Variants in LIPA observed in about 807,000 individuals in gnomAD.
LIPA encodes the protein lipase A, lysosomal acid type, also known as lysosomal acid lipase/cholesteryl ester hydrolase.
In LIPA, 26 loss-of-function variants were observed where a neutral mutation model predicts 40.6. The ratio of observed to expected loss-of-function variants is 0.64; its 90% CI spans 0.47 to 0.89. The LOEUF is 0.89. Ranked by LOEUF, LIPA falls within the 40% of genes least tolerant of loss-of-function variation. The pLI is 0.00. For missense variants in LIPA, 455 were observed against 479.6 expected (o/e 0.95, Z 0.48); for synonymous variants, 188 against 168.4 (o/e 1.12, Z -0.90).
chr10:89,366,252 T>C (rs1323798280), intron 2 of LIPA, among the ~76,000 whole-genome samples: 1 of 152,212 alleles, frequency 6.6e-6, no homozygotes, highest in Non-Finnish European at 1.5e-5. Context: ...GCTCTCTGTC[T>C]GTTATTGGTG....
intron 1 of LIPA, among the ~76,000 whole-genome samples, chr10:89,321,219 G>T (rs539430845): frequency 2.0e-5 from 3 of 151,998 alleles, no homozygotes. Context: ...TTGACAAATG[G>T]GATCTAATTA....
chr10:89,269,927 T>C (rs1843256457), intron 1 of LIPA, among the ~76,000 whole-genome samples: 1 of 152,176 alleles, frequency 6.6e-6, no homozygotes, highest in Non-Finnish European at 1.5e-5. Context: ...GGCCTAGACT[T>C]TGGAGACACA....
chr10:89,354,629 G>A (rs1843979791), intron 2 of LIPA, among the ~76,000 whole-genome samples: 1 of 152,128 alleles, frequency 6.6e-6, no homozygotes, highest in South Asian at 2.1e-4. Flanking sequence ...GTGCAGTGGT[G>A]CAATCTCGGC....
At chr10:89,259,912 C>G (rs982867238) in intron 1 of LIPA, among the ~76,000 whole-genome samples, 1 of 152,080 alleles carries the variant, frequency 6.6e-6, no homozygotes, top group African/African-American at 2.4e-5. Flanking sequence ...GGCTGGATGA[C>G]AGAGAGGCAT....
In LIPA at chr10:89,296,790, A is replaced by G. The variant is rs74146909; in HGVS notation, c.-2+45821T>C. ...ATTTTCTGACCTCAATCTTTGAGGT[A>G]CTATTATTTTCTTTTGGGCCTATAT... On this transcript the variant is annotated intron_variant, in intron 1 of 5. Transcript: ENST00000282673. Among the ~76,000 whole-genome samples the G allele has an allele frequency of 6.7e-3, 1,022 of 152,318 alleles. 10 individuals carry two copies. Among genetic ancestry groups the G allele is most frequent in the African/African-American group, 0.023 (975 of 41,568 alleles).
intron 9 of LIPA, among the ~76,000 whole-genome samples, chr10:89,215,683 G>A (rs72814714): frequency 2.8e-3 from 426 of 152,328 alleles, no homozygotes; most frequent in Non-Finnish European, 5.2e-3. Flanking sequence ...GGCTATGTTC[G>A]TGATTACTCT....
intron 1 of LIPA, among the ~76,000 whole-genome samples, chr10:89,260,661 C>T (rs1283257318): frequency 6.6e-6 from 1 of 152,112 alleles, no homozygotes; most frequent in African/African-American, 2.4e-5. Flanking sequence ...TGTGTTTTCC[C>T]CACCTCCACA....
chr10:89,327,025 G>C (rs1026297119), intron 1 of LIPA, among the ~76,000 whole-genome samples: 4 of 152,078 alleles, frequency 2.6e-5, no homozygotes, highest in African/African-American at 4.8e-5. Flanking sequence ...ACAGGGAAGC[G>C]GGGCAGCTTC....
chr10:89,283,760 A>G (rs1323761916), intron 1 of LIPA: 2 of 152,246 alleles, frequency 1.3e-5, no homozygotes, highest in Non-Finnish European at 2.9e-5. Context: ...ACATAAAGGT[A>G]TCCTTCATCA....
At chr10:89,227,848 GA>G (rs1344593535) in intron 4 of LIPA, among the ~76,000 whole-genome samples, 1 of 152,198 alleles carries the variant, frequency 6.6e-6, no homozygotes, top group Non-Finnish European at 1.5e-5. Flanking sequence ...GAAGAGGGAG[GA>G]AAGGATAATT....
At chr10:89,413,651 C>T (rs948744974) in intron 1 of LIPA, among the ~76,000 whole-genome samples, 1 of 151,862 alleles carries the variant, frequency 6.6e-6, no homozygotes, top group Admixed American at 6.6e-5. Context: ...CATATAGTCC[C>T]AGCCACTCAG....
chr10:89,390,736 A>T (rs1844241192), intron 2 of LIPA, among the ~76,000 whole-genome samples: 1 of 152,214 alleles, frequency 6.6e-6, no homozygotes, highest in Non-Finnish European at 1.5e-5. Flanking sequence ...AGCCTGGGCC[A>T]TAGCCCCGTA....
upstream of LIPA, chr10:89,252,153 T>C (rs1843134817): frequency 6.6e-6 from 1 of 152,262 alleles, no homozygotes; most frequent in African/African-American, 2.4e-5. Flanking sequence ...AGAGAGCATG[T>C]GGGCTCTATA....
At chr10:89,356,997 C>T (rs534551306) in intron 2 of LIPA, among the ~76,000 whole-genome samples, 3 of 152,280 alleles carry the variant, frequency 2.0e-5, no homozygotes, top group African/African-American at 7.2e-5. Flanking sequence ...AGTTCCAACC[C>T]TCTAATCATG....
At chr10:89,251,669 C>T (rs1379222045) in intron 1 of LIPA, 68 bp downstream of exon 1, 4 of 152,418 alleles carry the variant, frequency 2.6e-5, no homozygotes, top group African/African-American at 9.6e-5. Flanking sequence ...GCGACCCTCC[C>T]CTTGCTGAAG....
At chr10:89,295,702 T>C (rs1298183087) in intron 1 of LIPA, among the ~76,000 whole-genome samples, 1 of 152,228 alleles carries the variant, frequency 6.6e-6, no homozygotes, top group Non-Finnish European at 1.5e-5. Context: ...AAATCTATTG[T>C]TCTAGGAAAT....
intron 3 of LIPA, among the ~76,000 whole-genome samples, chr10:89,241,980 C>T (rs1185198471): frequency 6.6e-6 from 1 of 152,054 alleles, no homozygotes; most frequent in African/African-American, 2.4e-5. Flanking sequence ...CTGTCTTATC[C>T]AACAAAATGA....
intron 1 of LIPA, among the ~76,000 whole-genome samples, chr10:89,413,553 G>A (rs1356557683): frequency 1.3e-5 from 2 of 152,090 alleles, no homozygotes; most frequent in East Asian, 3.8e-4. Flanking sequence ...AAATATTTGT[G>A]CCCAGGTGTT....
intron 1 of LIPA, chr10:89,292,537 T>C (rs1165505161): frequency 6.6e-6 from 1 of 152,250 alleles, no homozygotes; most frequent in African/African-American, 2.4e-5. Context: ...TGGGTGGCAG[T>C]AGAAGGTAGT....
Sources: allele counts gnomAD v4.1 joint callset (sites outside exome capture counted in the v4.1 genomes callset), GRCh38; gene constraint gnomAD v4.1.1; transcripts MANE v1.5; gene names NCBI Gene and HGNC (gene_info 2026-07-23, HGNC 2026-07-21).